The following STK3 variants were observed in gnomAD, a reference collection of about 807,000 sequenced individuals.
STK3 encodes the protein serine/threonine kinase 3.
A neutral mutation model predicts 58.0 loss-of-function variants in STK3; 41 were observed. The ratio of observed to expected loss-of-function variants is 0.71; its 90% CI spans 0.55 to 0.92. The LOEUF (loss-of-function observed/expected upper bound fraction) is 0.92, where lower values mean the gene tolerates loss of function less well. STK3 is among the 40% of genes least tolerant of loss of function. The pLI, the probability that STK3 is intolerant of heterozygous loss-of-function variation, is 0.00. For synonymous variants in STK3, 170 were observed against 191.0 expected (o/e 0.89, Z 0.91); for missense variants, 479 against 602.7 (o/e 0.79, Z 2.15).
In STK3 at chr8:98,591,606, T is replaced by A. The variant is rs139024838; in HGVS notation, c.822+4426A>T. On this transcript the variant is annotated intron_variant, in intron 7 of 10. Transcript: ENST00000419617. ...TTATTAGCCAGTTCCTCTTTGTTGA[T>A]CAAAACCATGTCTGCAGCAGTTATG... is the stretch of plus-strand genomic sequence containing the variant. 4.5e-4 allele frequency among the ~76,000 whole-genome samples: 68 copies of A among 152,286 alleles called. 1 individual carries two copies. Among genetic ancestry groups the A allele is most frequent in the Admixed American group, 3.7e-3 (57 of 15,296 alleles).
At chr8:98,758,833 G>C (rs1303315612) in intron 3 of STK3, among the ~76,000 whole-genome samples, 1 of 152,214 alleles carries the variant, frequency 6.6e-6, no homozygotes, top group African/African-American at 2.4e-5. Context: ...GCTTCATCTT[G>C]CACTTTTATG....
chr8:98,693,725 A>T lies in STK3; in HGVS notation c.684+12742T>A, dbSNP rs150586775. ...GCACATACACTAAGACATCCAAGGTATCTACAAATACCTACACAGCAGGGA... is the reference window on the plus strand; with the variant it reads ...GCACATACACTAAGACATCCAAGGTTTCTACAAATACCTACACAGCAGGGA... On this transcript the variant is annotated intron_variant, in intron 6 of 10. Transcript: ENST00000419617. Among the ~76,000 whole-genome samples, 228 of 152,316 alleles carry T rather than the reference A, an allele frequency of 1.5e-3. 1 individual carries two copies. The highest frequency in any genetic ancestry group is 2.6e-3 in the Non-Finnish European group (178 of 68,026).
rs1236212317 is a variant in STK3 at position 98,439,195 on chromosome 8, A to G, written n.186-1987T>C. The G allele has an allele frequency of 2.6e-5, 4 of 152,178 alleles. No homozygotes were observed. In the East Asian group the frequency reaches 7.7e-4, roughly 29 times the overall value. 9.4% of individuals were successfully genotyped at this position (152,178 alleles called of 1,614,324 possible). A position where few individuals can be genotyped will look rare whatever the true frequency, so the allele number is the denominator to read the frequency against. On this transcript the variant is annotated intron_variant and non_coding_transcript_variant, in intron 1 of 3. Transcript: ENST00000517832. ...AGCTCCATGGATACAGGGATATTTTATCTCCAGTGCCCAATACAATGCCTG... is the reference window on the plus strand; with the variant it reads ...AGCTCCATGGATACAGGGATATTTTGTCTCCAGTGCCCAATACAATGCCTG...
intron 1 of STK3, among the ~76,000 whole-genome samples, chr8:98,808,000 G>A (rs1008675853): frequency 6.6e-6 from 1 of 152,132 alleles, no homozygotes; most frequent in African/African-American, 2.4e-5. Context: ...TTTTAAACTG[G>A]GGGGCAAAAG....
At chr8:98,347,407 C>T in the STK3 span, among the ~76,000 whole-genome samples, 2 of 150,604 alleles carry the variant, frequency 1.3e-5, no homozygotes, top group Non-Finnish European at 2.9e-5. Context: ...CCCAGCTACT[C>T]GGGAGGCTGA....
At chr8:98,872,260 G>A (rs1219674826) in intron 3 of STK3, among the ~76,000 whole-genome samples, 1 of 152,122 alleles carries the variant, frequency 6.6e-6, no homozygotes, top group African/African-American at 2.4e-5. Context: ...TTTTATTGAG[G>A]ATTTTTGCAT....
At chr8:98,383,933 T>C (rs933604632) in intron 1 of STK3, among the ~76,000 whole-genome samples, 3 of 152,224 alleles carry the variant, frequency 2.0e-5, no homozygotes, top group African/African-American at 7.2e-5. Context: ...AGTGTATTAA[T>C]GAGATGCTCT....
intron 10 of STK3, among the ~76,000 whole-genome samples, chr8:98,467,073 GC>G (rs1820526839): frequency 6.6e-6 from 1 of 152,142 alleles, no homozygotes; most frequent in South Asian, 2.1e-4. Context: ...TAAAGGCTCT[GC>G]CTTTAGTGGC....
intron 3 of STK3, among the ~76,000 whole-genome samples, chr8:98,862,087 A>T (rs1053318198): frequency 3.3e-5 from 5 of 152,204 alleles, no homozygotes; most frequent in African/African-American, 1.2e-4. Context: ...GGGAATAGGG[A>T]GTCCACAGAC....
intron 10 of STK3, among the ~76,000 whole-genome samples, chr8:98,459,695 T>C (rs1402648554): frequency 6.6e-6 from 1 of 152,200 alleles, no homozygotes; most frequent in Non-Finnish European, 1.5e-5. Context: ...GCACCCTGCA[T>C]CCCAGCCATT....
intron 1 of STK3, among the ~76,000 whole-genome samples, chr8:98,802,791 C>T (rs527560649): frequency 3.9e-5 from 6 of 152,170 alleles, no homozygotes; most frequent in Non-Finnish European, 7.4e-5. Flanking sequence ...GCAGAAAACT[C>T]ATTGATATAA....
intron 6 of STK3, among the ~76,000 whole-genome samples, chr8:98,628,456 G>A (rs528610729): frequency 1.2e-4 from 19 of 152,224 alleles, no homozygotes; most frequent in African/African-American, 4.3e-4. Flanking sequence ...AAGAGTCCAG[G>A]AGAGTGCCCA....
chr8:98,770,491 G>C (rs759889345), intron 2 of STK3, among the ~76,000 whole-genome samples: 5 of 152,164 alleles, frequency 3.3e-5, no homozygotes, highest in African/African-American at 9.7e-5. Flanking sequence ...CAAACAGTTG[G>C]GGGTGTCCCT....
intron 3 of STK3, among the ~76,000 whole-genome samples, chr8:98,755,133 A>G (rs746621585): frequency 1.3e-5 from 2 of 152,182 alleles, no homozygotes; most frequent in Non-Finnish European, 1.5e-5. Flanking sequence ...CAAGTCCAAC[A>G]CCTCTATAAC....
chr8:98,714,975 C>A (rs1185924996), intron 4 of STK3, among the ~76,000 whole-genome samples: 1 of 152,096 alleles, frequency 6.6e-6, no homozygotes, highest in Non-Finnish European at 1.5e-5. Flanking sequence ...AGAAATAATG[C>A]CGCATATCTA....
intron 1 of STK3, among the ~76,000 whole-genome samples, chr8:98,781,376 A>T (rs533997758): frequency 6.6e-6 from 1 of 152,206 alleles, no homozygotes; most frequent in Non-Finnish European, 1.5e-5. Context: ...AGAGGTTTCC[A>T]TGAAATGCCA....
chr8:98,662,071 T>C (rs11785245), intron 6 of STK3, among the ~76,000 whole-genome samples: 63,342 of 151,870 alleles, frequency 0.42, 13,527 homozygotes, highest in Admixed American at 0.51. Flanking sequence ...GCAAAAAATG[T>C]CTGCCATGGA....
intron 8 of STK3, among the ~76,000 whole-genome samples, chr8:98,579,347 A>G (rs1379748045): frequency 1.3e-5 from 2 of 152,186 alleles, no homozygotes; most frequent in Non-Finnish European, 2.9e-5. Flanking sequence ...CAGTTAAAAG[A>G]AAATTCCAGA....
At chr8:98,660,837 T>C (rs1821915752) in intron 6 of STK3, among the ~76,000 whole-genome samples, 2 of 152,086 alleles carry the variant, frequency 1.3e-5, no homozygotes, top group African/African-American at 4.8e-5. Flanking sequence ...CCATCATCAC[T>C]GTAGAAGCCT....
Sources: allele counts gnomAD v4.1 joint callset (sites outside exome capture counted in the v4.1 genomes callset), GRCh38; gene constraint gnomAD v4.1.1; transcripts MANE v1.5; gene names NCBI Gene and HGNC (gene_info 2026-07-23, HGNC 2026-07-21).